The following UBE2L3 variants were observed in gnomAD, a reference collection of about 807,000 sequenced individuals.
UBE2L3 encodes the protein ubiquitin-conjugating enzyme E2 L3.
A neutral mutation model predicts 17.8 loss-of-function variants in UBE2L3; 1 was observed. The observed-to-expected ratio is 0.06, with a 90% CI of 0.02 to 0.27. The LOEUF is 0.27. Ranked by LOEUF, UBE2L3 falls within the 10% of genes least tolerant of loss-of-function variation. The pLI is 1.00. For missense variants in UBE2L3, 40 were observed against 192.6 expected (o/e 0.21, Z 4.69); for synonymous variants, 44 against 68.5 (o/e 0.64, Z 1.76).
Position 21,618,596 on chromosome 22 carries a change from A to AT in UBE2L3, c.311-2909dup, listed in dbSNP as rs1043129685. On this transcript the variant is annotated intron_variant, in intron 3 of 3. Coordinates refer to ENST00000342192, the MANE Select transcript of UBE2L3 (RefSeq NM_003347.4). Reference sequence around the variant, plus strand: ...ATCTCAAAAAATATATATATATATTATTTTTTTTTTGCGATAGGGTCTTGC... The same window carrying AT: ...ATCTCAAAAAATATATATATATATTATTTTTTTTTTTGCGATAGGGTCTTGC... Among the ~76,000 whole-genome samples, 843 of 143,288 alleles carry AT rather than the reference A, an allele frequency of 5.9e-3. 13 individuals are homozygous for AT. The highest frequency in any genetic ancestry group is 0.02 in the African/African-American group (776 of 39,534). The allele number at this position is 143,288 out of a possible 152,430, so 94.0% of individuals were successfully genotyped here.
chr22:21,594,844 T>C (rs573261119), intron 2 of UBE2L3, among the ~76,000 whole-genome samples: 3 of 152,162 alleles, frequency 2.0e-5, no homozygotes, highest in Non-Finnish European at 4.4e-5. Context: ...ATTGAGATTG[T>C]GTAGTCTACT....
At chr22:21,588,359 G>GCTTGAGGGTTTACAACCAT (rs1214876734) in intron 1 of UBE2L3, among the ~76,000 whole-genome samples, 4 of 151,690 alleles carry the variant, frequency 2.6e-5, no homozygotes, top group African/African-American at 7.3e-5. Context: ...GCACAGTTTT[G>GCTTGAGGGTTTACAACCAT]CTTGAGGGTT....
intron 2 of UBE2L3, among the ~76,000 whole-genome samples, chr22:21,600,984 A>G (rs1400939695): frequency 3.3e-5 from 5 of 152,126 alleles, no homozygotes; most frequent in African/African-American, 1.2e-4. Flanking sequence ...AGCCTGGCCA[A>G]CATGATGAAA....
chr22:21,615,313 T>C (rs1009447265), intron 3 of UBE2L3, among the ~76,000 whole-genome samples: 3 of 151,944 alleles, frequency 2.0e-5, no homozygotes, highest in Non-Finnish European at 4.4e-5. Flanking sequence ...CCCAGCACTT[T>C]GGGAGGCCAA....
intron 3 of UBE2L3, among the ~76,000 whole-genome samples, chr22:21,615,411 C>T (rs147976588): frequency 6.6e-6 from 1 of 150,750 alleles, no homozygotes; most frequent in Non-Finnish European, 1.5e-5. Context: ...AAAAATTAGC[C>T]GAGCTTGGTG....
chr22:21,589,535 C>T (rs1004881827), intron 1 of UBE2L3, among the ~76,000 whole-genome samples: 4 of 152,050 alleles, frequency 2.6e-5, no homozygotes, highest in East Asian at 3.8e-4. Context: ...TCATAGTGCC[C>T]GTGGTTCTCA....
intron 2 of UBE2L3, among the ~76,000 whole-genome samples, chr22:21,596,748 A>C (rs775350572): frequency 6.6e-6 from 1 of 152,080 alleles, no homozygotes; most frequent in African/African-American, 2.4e-5. Context: ...CAGCCTCTCA[A>C]AGTGCTGGGA....
chr22:21,567,073 T>C (rs1480316062), upstream of UBE2L3, among the ~76,000 whole-genome samples: 1 of 152,162 alleles, frequency 6.6e-6, no homozygotes, highest in African/African-American at 2.4e-5. Flanking sequence ...TTTGGCTTCC[T>C]TGACCTCTCA....
At chr22:21,580,699 C>T (rs1469879344) in intron 1 of UBE2L3, among the ~76,000 whole-genome samples, 1 of 152,040 alleles carries the variant, frequency 6.6e-6, no homozygotes, top group African/African-American at 2.4e-5. Flanking sequence ...ATCCCCCCAC[C>T]TCAGCCTCCC....
intron 1 of UBE2L3, chr22:21,568,306 G>T: frequency 1.0e-6 from 1 of 985,718 alleles, no homozygotes. Flanking sequence ...AGGTCAGTTT[G>T]TTGGTGGGTC....
At chr22:21,565,179 G>A (rs1383968093), upstream of UBE2L3, among the ~76,000 whole-genome samples, 7 of 151,812 alleles carry the variant, frequency 4.6e-5, no homozygotes, top group Non-Finnish European at 7.4e-5. Flanking sequence ...GGCAAGCTCC[G>A]CCTCCCGGGT....
intron 3 of UBE2L3, among the ~76,000 whole-genome samples, chr22:21,616,329 C>A (rs550830927): frequency 6.6e-6 from 1 of 152,210 alleles, no homozygotes; most frequent in Admixed American, 6.6e-5. Context: ...GAAGTGACTA[C>A]TGAGAGTGGG....
chr22:21,558,953 G>A (rs2148390520), intron 1 of UBE2L3, among the ~76,000 whole-genome samples: 1 of 151,976 alleles, frequency 6.6e-6, no homozygotes, highest in Non-Finnish European at 1.5e-5. Context: ...GGAATTGACA[G>A]TCCATGATCT....
intron 1 of UBE2L3, among the ~76,000 whole-genome samples, chr22:21,576,801 CTTTTTTTTTT>C (rs757829734): frequency 2.5e-5 from 3 of 118,144 alleles, no homozygotes; most frequent in Admixed American, 9.6e-5. Context: ...CTTCTCTTTC[CTTTTTTTTTT>C]TTTTTTTTTT....
chr22:21,588,296 C>T (rs1315901477), intron 1 of UBE2L3, among the ~76,000 whole-genome samples: 4 of 152,080 alleles, frequency 2.6e-5, no homozygotes, highest in Non-Finnish European at 4.4e-5. Context: ...ACATTGGTTT[C>T]CTTCAATTCC....
intron 2 of UBE2L3, among the ~76,000 whole-genome samples, chr22:21,594,221 A>G (rs1928407402): frequency 6.6e-6 from 1 of 152,140 alleles, no homozygotes; most frequent in South Asian, 2.1e-4. Context: ...GTTCTCATGG[A>G]TGGATTGGCT....
intron 1 of UBE2L3, among the ~76,000 whole-genome samples, chr22:21,588,689 AGTCTTGCTCT>A (rs1329895245): frequency 2.0e-5 from 3 of 150,890 alleles, no homozygotes; most frequent in Non-Finnish European, 4.4e-5. Context: ...TTTGAGACAG[AGTCTTGCTCT>A]GTCACTCAGG....
chr22:21,620,626 C>T (rs2059183297), intron 3 of UBE2L3, among the ~76,000 whole-genome samples: 1 of 152,040 alleles, frequency 6.6e-6, no homozygotes, highest in East Asian at 1.9e-4. Context: ...GGCTACGGCA[C>T]CTAGGGGGAG....
At chr22:21,606,770 G>A (rs1217244762) in intron 2 of UBE2L3, among the ~76,000 whole-genome samples, 1 of 151,966 alleles carries the variant, frequency 6.6e-6, no homozygotes, top group East Asian at 1.9e-4. Context: ...GATTGCTAGA[G>A]CCCGGGAAGT....
Sources: allele counts gnomAD v4.1 joint callset (sites outside exome capture counted in the v4.1 genomes callset), GRCh38; gene constraint gnomAD v4.1.1; transcripts MANE v1.5; gene names NCBI Gene and HGNC (gene_info 2026-07-23, HGNC 2026-07-21).